The following RPH3A variants were observed in gnomAD, a reference collection of about 807,000 sequenced individuals.
The protein encoded by RPH3A is rabphilin-3A.
In RPH3A, 48 loss-of-function variants were observed where a neutral mutation model predicts 102.2. The ratio of observed to expected loss-of-function variants is 0.47; its 90% CI spans 0.37 to 0.60. RPH3A has a LOEUF of 0.60. Ranked by LOEUF, RPH3A falls within the 20% of genes least tolerant of loss-of-function variation. RPH3A has a pLI of 0.00. For synonymous variants in RPH3A, 310 were observed against 324.3 expected (o/e 0.96, Z 0.47); for missense variants, 781 against 910.1 (o/e 0.86, Z 1.83).
intron 1 of RPH3A, among the ~76,000 whole-genome samples, chr12:112,712,904 CTCTTCTTCTTCTTCTTCTTCCTCTTCT>C (rs1472881064): frequency 2.8e-4 from 26 of 92,540 alleles, no homozygotes; most frequent in African/African-American, 1.1e-3. Context: ...CTTCTTCTTC[CTCTTCTTCTTCTTCTTCTTCCTCTTCT>C]TCTTCTTCTT....
At chr12:112,599,895 T>A (rs942026662) in intron 1 of RPH3A, among the ~76,000 whole-genome samples, 5 of 152,202 alleles carry the variant, frequency 3.3e-5, no homozygotes, top group Non-Finnish European at 7.3e-5. Flanking sequence ...CCACTAACTA[T>A]CCCAGTGACT....
intron 1 of RPH3A, among the ~76,000 whole-genome samples, chr12:112,724,998 C>CG (rs1218307845): frequency 6.8e-6 from 1 of 148,026 alleles, no homozygotes; most frequent in Non-Finnish European, 1.5e-5. Context: ...CCTGTAATCC[C>CG]GGCACTTTGG....
At chr12:112,841,204 G>T in intron 4 of RPH3A, among the ~76,000 whole-genome samples, 1 of 85,394 alleles carries the variant, frequency 1.2e-5, no homozygotes, top group South Asian at 3.7e-4. Flanking sequence ...AGCCTCGTTG[G>T]AAAAAATATA....
rs547178789 is a variant in RPH3A at position 112,762,504 on chromosome 12, T to C, written c.-139-29639T>C. On this transcript the variant is annotated intron_variant, in intron 1 of 21. Transcript: ENST00000543106. ...CTTGCAAACCCCATTTTCTCTGCCTTCCCCCAATCTTATCATTCAAGTCTT... is the reference window on the plus strand; with the variant it reads ...CTTGCAAACCCCATTTTCTCTGCCTCCCCCCAATCTTATCATTCAAGTCTT... 5.9e-5 allele frequency among the ~76,000 whole-genome samples: 9 copies of C among 152,182 alleles called. No individual in the cohort carries two copies. In the South Asian group the frequency reaches 1.9e-3, roughly 32 times the overall value.
intron 1 of RPH3A, among the ~76,000 whole-genome samples, chr12:112,633,171 G>A (rs1451154027): frequency 6.6e-6 from 1 of 152,174 alleles, no homozygotes; most frequent in African/African-American, 2.4e-5. Context: ...CTGCACTCTA[G>A]CCTGGGCAAC....
rs114810594 is a variant in RPH3A at position 112,766,304 on chromosome 12, T to C, written c.-139-25839T>C. On this transcript the variant is annotated intron_variant, in intron 1 of 21. Coordinates refer to the RPH3A transcript ENST00000543106. ...TAATAGCACCTGCCTCATAGGGATA[T>C]TGTGAGATAAATGAGTAAATATGTG... Among the ~76,000 whole-genome samples, 1,454 of 152,292 alleles carry C rather than the reference T, an allele frequency of 9.5e-3. 30 individuals carry two copies. Among genetic ancestry groups the C allele is most frequent in the African/African-American group, 0.034 (1,396 of 41,556 alleles).
chr12:112,612,380 A>C (rs1306520120), intron 1 of RPH3A, among the ~76,000 whole-genome samples: 1 of 152,068 alleles, frequency 6.6e-6, no homozygotes, highest in African/African-American at 2.4e-5. Context: ...CCCGAGAAAC[A>C]GGGTAGAAAA....
At position 112,733,228 on chromosome 12, in the gene RPH3A, T is replaced by C. The variant is rs562834748; in HGVS notation, c.-139-58915T>C. Among the ~76,000 whole-genome samples the C allele has an allele frequency of 3.7e-4, 56 of 152,252 alleles. 1 individual carries two copies. Among genetic ancestry groups the C allele is most frequent in the Non-Finnish European group, 1.9e-4 (13 of 68,020 alleles). On this transcript the variant is annotated intron_variant, in intron 1 of 21. Coordinates refer to the RPH3A transcript ENST00000543106. ...ACACACACCTGCACACATACCTGCATATACACACATCTGAACAAATACTTT... is the reference window on the plus strand; with the variant it reads ...ACACACACCTGCACACATACCTGCACATACACACATCTGAACAAATACTTT...
upstream of RPH3A, among the ~76,000 whole-genome samples, chr12:112,787,743 C>T (rs901600611): frequency 6.6e-6 from 1 of 152,138 alleles, no homozygotes; most frequent in East Asian, 1.9e-4. Flanking sequence ...CATTATCATC[C>T]TGAAATGGGA....
intron 1 of RPH3A, among the ~76,000 whole-genome samples, chr12:112,694,210 C>G (rs2040328552): frequency 6.6e-6 from 1 of 152,210 alleles, no homozygotes; most frequent in Non-Finnish European, 1.5e-5. Flanking sequence ...TTATCTCCAA[C>G]CTGACCCGTT....
At chr12:112,822,742 T>G (rs1170966037) in intron 2 of RPH3A, among the ~76,000 whole-genome samples, 2 of 152,240 alleles carry the variant, frequency 1.3e-5, no homozygotes, top group Admixed American at 1.3e-4. Context: ...ACTTAAACTT[T>G]CCTCAACTCA....
At chr12:112,771,899 T>C (rs2040929843) in intron 1 of RPH3A, among the ~76,000 whole-genome samples, 1 of 152,228 alleles carries the variant, frequency 6.6e-6, no homozygotes, top group Non-Finnish European at 1.5e-5. Context: ...CATGACTTAC[T>C]TGAGGGCAAG....
chr12:112,829,636 T>C (rs2041936143), intron 3 of RPH3A, among the ~76,000 whole-genome samples: 1 of 152,216 alleles, frequency 6.6e-6, no homozygotes, highest in Admixed American at 6.5e-5. Context: ...ACTTGGTCAT[T>C]TGAGCACCAC....
At chr12:112,580,394 CTTT>C (rs773931202) in intron 1 of RPH3A, among the ~76,000 whole-genome samples, 4 of 76,942 alleles carry the variant, frequency 5.2e-5, no homozygotes, top group Non-Finnish European at 7.2e-5. Flanking sequence ...TTTGTCTTGT[CTTT>C]TTTTTTTTTT....
At chr12:112,634,229 T>C (rs2039829760) in intron 1 of RPH3A, among the ~76,000 whole-genome samples, 1 of 64,704 alleles carries the variant, frequency 1.5e-5, no homozygotes, top group Non-Finnish European at 2.8e-5. Context: ...GCGCCTGTAG[T>C]CCCAGCTACT....
chr12:112,764,033 G>A (rs1455822168), intron 1 of RPH3A, among the ~76,000 whole-genome samples: 1 of 152,168 alleles, frequency 6.6e-6, no homozygotes, highest in African/African-American at 2.4e-5. Context: ...AGAAGACCTT[G>A]GCAGGATATT....
intron 1 of RPH3A, among the ~76,000 whole-genome samples, chr12:112,595,909 C>G (rs1322236088): frequency 6.6e-6 from 1 of 152,032 alleles, no homozygotes. Flanking sequence ...AAAAAATGAC[C>G]CAGCTCCTAT....
intron 1 of RPH3A, among the ~76,000 whole-genome samples, chr12:112,735,893 C>T (rs1309114737): frequency 1.3e-5 from 2 of 152,190 alleles, no homozygotes; most frequent in Non-Finnish European, 1.5e-5. Flanking sequence ...TACTTTATTA[C>T]TCATGCTACA....
chr12:112,778,207 A>G (rs2040981933), intron 1 of RPH3A, among the ~76,000 whole-genome samples: 1 of 152,220 alleles, frequency 6.6e-6, no homozygotes, highest in Non-Finnish European at 1.5e-5. Context: ...AGAAGTAGCT[A>G]TCTAGGTATT....
Sources: gnomAD v4.1 joint callset for allele counts (sites outside exome capture counted in the v4.1 genomes callset) on GRCh38, gnomAD v4.1.1 for gene constraint, MANE v1.5 for transcripts, NCBI Gene and HGNC (gene_info 2026-07-23, HGNC 2026-07-21) for gene names.